PLCL1: variants seen among roughly 807,000 people sequenced by gnomAD.
PLCL1 encodes inactive phospholipase C-like protein 1.
In PLCL1, 41 loss-of-function variants were observed where a neutral mutation model predicts 84.4. The ratio of observed to expected loss-of-function variants is 0.49; its 90% CI spans 0.38 to 0.63. PLCL1 has a LOEUF of 0.63. Among genes scored for constraint, PLCL1 ranks in the 30% least tolerant of loss-of-function variants. The pLI, the probability that PLCL1 is intolerant of heterozygous loss-of-function variation, is 0.00. For missense variants in PLCL1, 1,206 were observed against 1,367.8 expected, an observed-to-expected ratio of 0.88 and a Z score of 1.87; for synonymous variants, 490 against 488.3, an observed-to-expected ratio of 1.00 and a Z score of -0.05.
rs777145016 is a variant in PLCL1 at position 198,086,126 on chromosome 2, G to T, written c.2609G>T (p.Arg870Leu). Reference protein sequence around the residue: ...SLSVRMGKKVREYTMLRNIGL... With the variant: ...SLSVRMGKKVLEYTMLRNIGL... ...TCAGTGAGAATGGGGAAGAAAGTTC[G>T]GGAATATACCATGCTCAGGAATATC... Residue 870 changes from arginine (R) to leucine (L), a missense_variant, in exon 2 of 6, where the codon CGG becomes CTG. Transcript: ENST00000428675. 6 of 1,613,610 alleles carry T rather than the reference G, an allele frequency of 3.7e-6. No homozygotes were observed. In the African/African-American group the frequency reaches 5.3e-5, roughly 14 times the overall value.
chr2:197,849,430 C>T (rs1234172792), intron 1 of PLCL1, among the ~76,000 whole-genome samples: 3 of 151,726 alleles, frequency 2.0e-5, no homozygotes, highest in Admixed American at 6.6e-5. Context: ...TTTGTGTGTG[C>T]GTGCATGTGT....
chr2:198,041,988 G>A (rs1413214869), intron 1 of PLCL1, among the ~76,000 whole-genome samples: 1 of 152,156 alleles, frequency 6.6e-6, no homozygotes, highest in African/African-American at 2.4e-5. Flanking sequence ...TGCAAGTGAT[G>A]AATCATGATT....
chr2:197,908,513 T>C (rs1293373759), intron 1 of PLCL1, among the ~76,000 whole-genome samples: 1 of 152,260 alleles, frequency 6.6e-6, no homozygotes, highest in Non-Finnish European at 1.5e-5. Flanking sequence ...TTCCATGAGA[T>C]AGTCTTCAAG....
chr2:197,843,749 T>C (rs1425621440), intron 1 of PLCL1, among the ~76,000 whole-genome samples: 1 of 152,148 alleles, frequency 6.6e-6, no homozygotes, highest in Non-Finnish European at 1.5e-5. Flanking sequence ...TCCCTAGATC[T>C]GAAAGGGGAA....
At chr2:197,923,518 T>G (rs1574950919) in intron 1 of PLCL1, among the ~76,000 whole-genome samples, 1 of 119,530 alleles carries the variant, frequency 8.4e-6, no homozygotes, top group Non-Finnish European at 1.7e-5. Flanking sequence ...ACATCCCAGA[T>G]GGGGCGGCGG....
At chr2:198,076,792 A>G (rs749624732) in intron 1 of PLCL1, among the ~76,000 whole-genome samples, 7 of 152,232 alleles carry the variant, frequency 4.6e-5, no homozygotes, top group Non-Finnish European at 1.0e-4. Flanking sequence ...GTATAATTCT[A>G]TAGTTGCAGA....
chr2:197,986,793 A>G (rs1690228355), intron 1 of PLCL1, among the ~76,000 whole-genome samples: 2 of 152,216 alleles, frequency 1.3e-5, no homozygotes. Context: ...TTGGGGAGTT[A>G]GACAATACAA....
chr2:198,084,799 A>C lies in PLCL1; in HGVS notation c.1282A>C (p.Ile428Leu), dbSNP rs1405623568. ...IEDQFRGPAD[I>L]NGYIRALKMG... The stretch of plus-strand genomic sequence containing the variant: ...AGACCAGTTCAGGGGGCCAGCTGAC[A>C]TCAATGGGTACATTAGAGCTTTGAA... The change falls in exon 2 of 6, where the codon ATC becomes CTC. Residue 428 changes from isoleucine (I) to leucine (L), a missense_variant. Ile to Leu is a conservative substitution (Grantham distance 5). Coordinates refer to ENST00000428675, the MANE Select transcript of PLCL1 (RefSeq NM_006226.4). 2.5e-6 allele frequency: 4 copies of C among 1,614,118 alleles called. No individual in the cohort carries two copies. Among genetic ancestry groups the C allele is most frequent in the Non-Finnish European group, 2.5e-6 (3 of 1,179,988 alleles).
intron 1 of PLCL1, among the ~76,000 whole-genome samples, chr2:197,991,983 A>C (rs534866265): frequency 6.6e-6 from 1 of 151,950 alleles, no homozygotes; most frequent in African/African-American, 2.4e-5. Context: ...TGCTTTGCTC[A>C]GCTCTGCACA....
intron 1 of PLCL1, among the ~76,000 whole-genome samples, chr2:197,967,219 T>A (rs897025884): frequency 6.6e-6 from 1 of 151,624 alleles, no homozygotes; most frequent in Admixed American, 6.6e-5. Context: ...TTTTTTGGAA[T>A]GGAGTCTTGC....
Position 197,854,825 on chromosome 2 carries a change from G to A in PLCL1, c.240+49486G>A, listed in dbSNP as rs1687300591. Among the ~76,000 whole-genome samples, 8 of 152,154 alleles carry A rather than the reference G, an allele frequency of 5.3e-5. No individual in the cohort carries two copies. In the South Asian group the frequency reaches 1.7e-3, roughly 32 times the overall value. On this transcript the variant is annotated intron_variant, in intron 1 of 5. Coordinates refer to ENST00000428675, the MANE Select transcript of PLCL1 (RefSeq NM_006226.4). ...ATGGAGGGTCTCAGTTGGATGGCTTGTCACTTTTTTTGGTACTGTAATGCC... is the reference window on the plus strand; with the variant it reads ...ATGGAGGGTCTCAGTTGGATGGCTTATCACTTTTTTTGGTACTGTAATGCC...
chr2:198,074,806 T>C lies in PLCL1; in HGVS notation c.241-8952T>C, dbSNP rs145039544. 4.7e-3 allele frequency among the ~76,000 whole-genome samples: 719 copies of C among 152,328 alleles called. 7 individuals carry two copies. Among genetic ancestry groups the C allele is most frequent in the Middle Eastern group, 0.017 (5 of 294 alleles). ...GTCTTATTCCCGTTGATATTTTAAT[T>C]TTTCAGATAAAGTATTTTAAGTAAA... On this transcript the variant is annotated intron_variant, in intron 1 of 5. Coordinates refer to ENST00000428675, the MANE Select transcript of PLCL1 (RefSeq NM_006226.4).
chr2:197,945,585 C>T (rs1355111478), intron 1 of PLCL1, among the ~76,000 whole-genome samples: 3 of 152,156 alleles, frequency 2.0e-5, no homozygotes, highest in Non-Finnish European at 2.9e-5. Context: ...TCTTGAGTGC[C>T]GTGGTCCCAG....
intron 1 of PLCL1, among the ~76,000 whole-genome samples, chr2:197,861,316 G>A (rs1473571584): frequency 1.3e-5 from 2 of 152,152 alleles, no homozygotes; most frequent in Non-Finnish European, 2.9e-5. Context: ...CTTCCAGATA[G>A]CTGACCACAT....
At chr2:197,889,152 G>C (rs1687970306) in intron 1 of PLCL1, among the ~76,000 whole-genome samples, 2 of 152,150 alleles carry the variant, frequency 1.3e-5, no homozygotes, top group Non-Finnish European at 2.9e-5. Context: ...TACAGATGAG[G>C]AAGTGAGAAA....
chr2:197,936,588 ATTGAG>A (rs1251692884), intron 1 of PLCL1, among the ~76,000 whole-genome samples: 7 of 152,078 alleles, frequency 4.6e-5, no homozygotes, highest in African/African-American at 1.7e-4. Context: ...CTGTTTTAAA[ATTGAG>A]TTATTTGTTT....
chr2:197,974,050 A>G (rs1233721119), intron 1 of PLCL1, among the ~76,000 whole-genome samples: 1 of 152,206 alleles, frequency 6.6e-6, no homozygotes, highest in African/African-American at 2.4e-5. Flanking sequence ...AGCTCACAGG[A>G]CTTGCTGATG....
At chr2:198,088,015 T>C (rs1574302781) in intron 2 of PLCL1, among the ~76,000 whole-genome samples, 1 of 152,284 alleles carries the variant, frequency 6.6e-6, no homozygotes, top group East Asian at 1.9e-4. Flanking sequence ...ATAATTCTAG[T>C]ACTATTATAA....
Position 198,084,358 on chromosome 2 carries a change from AG to A in PLCL1, c.843del (p.Arg281SerfsTer2). The A allele has an allele frequency of 6.2e-7, 1 of 1,614,122 alleles. No individual in the cohort carries two copies. On this transcript the variant is annotated frameshift_variant, in exon 2 of 6. Coordinates refer to ENST00000428675, the MANE Select transcript of PLCL1 (RefSeq NM_006226.4). LOFTEE classifies it high-confidence loss of function. ...LNPTLKEAKI[R>X]LKFKEIQKSK... ...CCCTACTCTGAAGGAAGCCAAGATC[AG>A]GTTAAAGTTTAAAGAAATCCAGAAG...
Sources: allele counts gnomAD v4.1 joint callset (sites outside exome capture counted in the v4.1 genomes callset), GRCh38; gene constraint gnomAD v4.1.1; transcripts MANE v1.5; gene names NCBI Gene and HGNC (gene_info 2026-07-23, HGNC 2026-07-21).